VAPA: variants seen among roughly 807,000 people sequenced by gnomAD.
VAPA encodes vesicle-associated membrane protein-associated protein A.
VAPA carries 6 observed loss-of-function variants against 25.6 expected under a neutral mutation model. The ratio of observed to expected loss-of-function variants is 0.23; its 90% CI spans 0.13 to 0.46. The LOEUF (loss-of-function observed/expected upper bound fraction) is 0.46, where lower values mean the gene tolerates loss of function less well. Among genes scored for constraint, VAPA ranks in the 20% least tolerant of loss-of-function variants. VAPA has a pLI of 0.99. For missense variants in VAPA, 244 were observed against 302.1 expected (o/e 0.81, Z 1.43); for synonymous variants, 112 against 106.2 (o/e 1.05, Z -0.34).
At chr18:9,944,753 A>C (rs941307136) in intron 4 of VAPA, among the ~76,000 whole-genome samples, 14 of 152,250 alleles carry the variant, frequency 9.2e-5, no homozygotes, top group African/African-American at 3.1e-4. Flanking sequence ...TTCAGAAACT[A>C]CTTTTGCTTT....
At chr18:9,944,761 T>A (rs2069403550) in intron 4 of VAPA, among the ~76,000 whole-genome samples, 1 of 152,264 alleles carries the variant, frequency 6.6e-6, no homozygotes, top group African/African-American at 2.4e-5. Flanking sequence ...CTACTTTTGC[T>A]TTAACATAGC....
At chr18:9,936,017 C>G (rs1031680275) in intron 2 of VAPA, 93 bp from the exon 3 acceptor site, 3 of 862,678 alleles carry the variant, frequency 3.5e-6, no homozygotes, top group East Asian at 2.9e-5. Context: ...AAGGCAAATC[C>G]CAGACTTAGT....
intron 5 of VAPA, among the ~76,000 whole-genome samples, chr18:9,951,527 C>T: frequency 6.6e-6 from 1 of 152,198 alleles, no homozygotes; most frequent in Non-Finnish European, 1.5e-5. Context: ...ATGTGGTAGT[C>T]ATTCATGTAT....
intron 1 of VAPA, among the ~76,000 whole-genome samples, chr18:9,922,246 A>ATATAAATTTAT (rs2069163159): frequency 6.6e-6 from 1 of 152,204 alleles, no homozygotes. Context: ...CTGGAATTAC[A>ATATAAATTTAT]GGCATGAGCT....
At chr18:9,935,516 A>G (rs2069300406) in intron 2 of VAPA, among the ~76,000 whole-genome samples, 2 of 152,226 alleles carry the variant, frequency 1.3e-5, no homozygotes, top group African/African-American at 2.4e-5. Flanking sequence ...TTGAGGCTAC[A>G]GTGAGCTGAG....
At chr18:9,928,441 A>G (rs916750683) in intron 1 of VAPA, among the ~76,000 whole-genome samples, 15 of 152,126 alleles carry the variant, frequency 9.9e-5, no homozygotes, top group African/African-American at 3.4e-4. Flanking sequence ...TCTCCCAGTT[A>G]CTTCCACTGC....
At chr18:9,952,230 A>G (rs907537511) in intron 5 of VAPA, among the ~76,000 whole-genome samples, 2 of 152,082 alleles carry the variant, frequency 1.3e-5, no homozygotes, top group Non-Finnish European at 2.9e-5. Flanking sequence ...AGTGTTCTGT[A>G]TGAGATTTTA....
chr18:9,923,999 G>T, intron 1 of VAPA: 1 of 161,992 alleles, frequency 6.2e-6, no homozygotes, highest in Non-Finnish European at 1.3e-5. Context: ...ACTTGGATGG[G>T]AGATATTATA....
At chr18:9,931,635 C>A in intron 1 of VAPA, 175 bp from the exon 2 acceptor site, 1 of 480,108 alleles carries the variant, frequency 2.1e-6, no homozygotes, top group Non-Finnish European at 3.6e-6. Context: ...GAAAATATGA[C>A]TTGTTTTTAA....
chr18:9,915,717 A>G (rs1305520758), intron 1 of VAPA: 1 of 152,252 alleles, frequency 6.6e-6, no homozygotes, highest in East Asian at 1.9e-4. Context: ...GGAATTTAAA[A>G]TATATTCTGG....
At chr18:9,930,002 A>G (rs933637674) in intron 1 of VAPA, among the ~76,000 whole-genome samples, 1 of 152,148 alleles carries the variant, frequency 6.6e-6, no homozygotes, top group Non-Finnish European at 1.5e-5. Flanking sequence ...GTATCGTGAA[A>G]TGTAAATACT....
At chr18:9,936,931 T>C in intron 3 of VAPA, 55 bp from the exon 4 acceptor site, 2 of 1,531,584 alleles carry the variant, frequency 1.3e-6, no homozygotes, top group South Asian at 2.3e-5. Context: ...GAGGTGAAAC[T>C]TACTTACCAT....
intron 1 of VAPA, among the ~76,000 whole-genome samples, chr18:9,928,396 C>T (rs1227162573): frequency 6.6e-6 from 1 of 152,066 alleles, no homozygotes; most frequent in African/African-American, 2.4e-5. Flanking sequence ...AGAAATAGAA[C>T]TTGGCTAGCA....
rs879540663 is a variant in VAPA, at chr18:9,958,477, C to T, written c.*4266C>T. The T allele has an allele frequency of 1.3e-5, 2 of 152,112 alleles. No individual in the cohort carries two copies. Among genetic ancestry groups the T allele is most frequent in the African/African-American group, 4.8e-5 (2 of 41,416 alleles). 9.4% of individuals were successfully genotyped at this position (152,112 alleles called of 1,614,324 possible). A position where few individuals can be genotyped will look rare whatever the true frequency, so the allele number is the denominator to read the frequency against. On this transcript the variant is annotated 3_prime_UTR_variant, in exon 6 of 6. Coordinates refer to ENST00000400000, the MANE Select transcript of VAPA (RefSeq NM_194434.3). ...AGATAACTTTTGTAGTAGTGATATTCAACTATAGCAGTACCTTAACTCATG... is the reference window on the plus strand; with the variant it reads ...AGATAACTTTTGTAGTAGTGATATTTAACTATAGCAGTACCTTAACTCATG...
Position 9,938,799 on chromosome 18 carries a change from G to A in VAPA, c.417+1733G>A, listed in dbSNP as rs537144176. 3.3e-5 allele frequency among the ~76,000 whole-genome samples: 5 copies of A among 152,272 alleles called. No individual in the cohort carries two copies. In the South Asian group the frequency reaches 8.3e-4, roughly 25 times the overall value. On this transcript the variant is annotated intron_variant, in intron 4 of 5. Transcript: ENST00000400000. ...TTTTAAGATTTATTTTGAAAACTTA[G>A]AAGCACCTAGAAGAGTAGGTAGGAG...
intron 1 of VAPA, 97 bp downstream of exon 1, chr18:9,914,432 A>G (rs1407251222): frequency 9.1e-7 from 1 of 1,098,546 alleles, no homozygotes; most frequent in South Asian, 2.0e-5. Context: ...CCCTGGCCCG[A>G]GGGAGCGCCC....
intron 1 of VAPA, among the ~76,000 whole-genome samples, chr18:9,920,890 C>T (rs1206667688): frequency 1.3e-5 from 2 of 152,228 alleles, no homozygotes; most frequent in Non-Finnish European, 2.9e-5. Flanking sequence ...GTCAGGCAGC[C>T]TCTTATTTCA....
intron 4 of VAPA, among the ~76,000 whole-genome samples, chr18:9,943,840 C>CTTTTTTTT (rs1281083775): frequency 1.1e-5 from 1 of 90,480 alleles, no homozygotes; most frequent in Non-Finnish European, 2.4e-5. Flanking sequence ...GACATATTTC[C>CTTTTTTTT]CTTTTTTTTT....
intron 1 of VAPA, chr18:9,923,856 T>G (rs1373849744): frequency 6.6e-6 from 1 of 152,368 alleles, no homozygotes; most frequent in Non-Finnish European, 1.5e-5. Context: ...TGTTTAAAAG[T>G]CCCTTGTTAT....
Sources: allele counts gnomAD v4.1 joint callset (sites outside exome capture counted in the v4.1 genomes callset), GRCh38; gene constraint gnomAD v4.1.1; transcripts MANE v1.5; gene names NCBI Gene and HGNC (gene_info 2026-07-23, HGNC 2026-07-21).